Variants in SEMA6D observed in about 807,000 individuals in gnomAD.
SEMA6D encodes the protein semaphorin-6D.
A neutral mutation model predicts 106.6 loss-of-function variants in SEMA6D; 35 were observed. The ratio of observed to expected loss-of-function variants is 0.33; its 90% confidence interval spans 0.25 to 0.44. The LOEUF (loss-of-function observed/expected upper bound fraction) is 0.44, where lower values mean the gene tolerates loss of function less well. Ranked by LOEUF, SEMA6D falls within the 20% of genes least tolerant of loss-of-function variation. SEMA6D has a pLI of 1.00. For synonymous variants in SEMA6D, 499 were observed against 487.7 expected, an observed-to-expected ratio of 1.02 and a Z score of -0.31; for missense variants, 1,185 against 1,345.9, an observed-to-expected ratio of 0.88 and a Z score of 1.87.
At chr15:47,348,152 GA>G (rs1388753731) in intron 1 of SEMA6D, among the ~76,000 whole-genome samples, 2 of 152,138 alleles carry the variant, frequency 1.3e-5, no homozygotes, top group East Asian at 3.9e-4. Flanking sequence ...TCCTTACAGA[GA>G]ATTTGTTAAT....
chr15:47,674,218 G>C (rs562526920), intron 4 of SEMA6D, among the ~76,000 whole-genome samples: 1 of 152,176 alleles, frequency 6.6e-6, no homozygotes, highest in African/African-American at 2.4e-5. Flanking sequence ...AATAAGAACT[G>C]AGTGTCTATT....
intron 13 of SEMA6D, 66 bp downstream of exon 13, chr15:47,765,122 G>C: frequency 6.4e-7 from 1 of 1,572,514 alleles, no homozygotes; most frequent in African/African-American, 1.4e-5. Context: ...ATTTCATCTA[G>C]TCATGTCCTT....
intron 3 of SEMA6D, among the ~76,000 whole-genome samples, chr15:47,551,052 C>G (rs1423894114): frequency 6.6e-6 from 1 of 152,170 alleles, no homozygotes; most frequent in African/African-American, 2.4e-5. Context: ...GCTAGGACAA[C>G]TCAGGATATC....
At chr15:47,598,741 G>A (rs73390961) in intron 3 of SEMA6D, among the ~76,000 whole-genome samples, 1 of 151,980 alleles carries the variant, frequency 6.6e-6, no homozygotes, top group South Asian at 2.1e-4. Flanking sequence ...CTAAGCTTTC[G>A]CCCTTTTTCA....
intron 18 of SEMA6D, among the ~76,000 whole-genome samples, chr15:47,770,044 T>G (rs1029754598): frequency 8.5e-5 from 13 of 152,192 alleles, no homozygotes; most frequent in African/African-American, 3.1e-4. Flanking sequence ...TGTATCAGAG[T>G]AATTATTTTA....
At chr15:47,298,578 G>A (rs912050513) in intron 1 of SEMA6D, among the ~76,000 whole-genome samples, 4 of 152,008 alleles carry the variant, frequency 2.6e-5, no homozygotes, top group African/African-American at 7.3e-5. Context: ...GTTCTTATTC[G>A]CCCAGTGGTA....
chr15:47,725,235 C>A (rs2079667063), intron 1 of SEMA6D, among the ~76,000 whole-genome samples: 1 of 152,142 alleles, frequency 6.6e-6, no homozygotes, highest in South Asian at 2.1e-4. Flanking sequence ...GCATGCTCAT[C>A]ACTGTAAGCT....
chr15:47,227,429 C>CTTTCTTTCTTTCTTTCTTTCTTTCT (rs1555407178), intron 1 of SEMA6D, among the ~76,000 whole-genome samples: 5 of 145,614 alleles, frequency 3.4e-5, no homozygotes, highest in African/African-American at 1.0e-4. Context: ...CTCTTTCTTT[C>CTTTCTTTCTTTCTTTCTTTCTTTCT]TTTCTTTCTT....
At chr15:47,753,554 G>A (rs9989286) in intron 1 of SEMA6D, among the ~76,000 whole-genome samples, 2,942 of 152,326 alleles carry the variant, frequency 0.019, 100 homozygotes, top group African/African-American at 0.067. Flanking sequence ...GTGGGCTGAA[G>A]GTCCTGATGA....
At chr15:47,376,096 G>C (rs2039438601) in intron 1 of SEMA6D, among the ~76,000 whole-genome samples, 1 of 152,204 alleles carries the variant, frequency 6.6e-6, no homozygotes, top group Non-Finnish European at 1.5e-5. Context: ...AAACTTTGAA[G>C]TCGTATTAGT....
intron 3 of SEMA6D, among the ~76,000 whole-genome samples, chr15:47,493,532 C>G (rs929189822): frequency 6.6e-6 from 1 of 152,060 alleles, no homozygotes; most frequent in South Asian, 2.1e-4. Context: ...TCACAGACAC[C>G]CTTGACGGAG....
intron 1 of SEMA6D, among the ~76,000 whole-genome samples, chr15:47,282,491 C>T (rs1250000385): frequency 2.0e-5 from 3 of 152,164 alleles, no homozygotes; most frequent in East Asian, 3.9e-4. Context: ...TTTTTAGGTG[C>T]CTACTATCGT....
intron 1 of SEMA6D, among the ~76,000 whole-genome samples, chr15:47,743,148 C>T (rs1372698694): frequency 1.3e-5 from 2 of 152,206 alleles, no homozygotes; most frequent in Non-Finnish European, 2.9e-5. Context: ...CCTATATGTC[C>T]TTCCCAACAA....
chr15:47,427,625 T>A (rs555258105), intron 2 of SEMA6D, among the ~76,000 whole-genome samples: 45 of 152,172 alleles, frequency 3.0e-4, no homozygotes, highest in African/African-American at 1.1e-3. Flanking sequence ...TTGCTAAATA[T>A]GTGACCTTGG....
At chr15:47,638,680 A>G (rs1196873010) in intron 4 of SEMA6D, among the ~76,000 whole-genome samples, 1 of 152,214 alleles carries the variant, frequency 6.6e-6, no homozygotes, top group Non-Finnish European at 1.5e-5. Flanking sequence ...TGCTAAATAC[A>G]ATCTGCTTTC....
At chr15:47,453,632 A>G (rs1006010504) in intron 2 of SEMA6D, among the ~76,000 whole-genome samples, 4 of 151,950 alleles carry the variant, frequency 2.6e-5, no homozygotes, top group Admixed American at 6.6e-5. Context: ...GTTTGCTTCC[A>G]TGAACTAAAA....
chr15:47,187,712 TCTGA>T (rs1400688512), intron 1 of SEMA6D, among the ~76,000 whole-genome samples: 1 of 152,182 alleles, frequency 6.6e-6, no homozygotes, highest in Non-Finnish European at 1.5e-5. Flanking sequence ...CTATGTTGGG[TCTGA>T]CTCTTTTGTT....
chr15:47,416,928 A>G (rs1242149647), intron 2 of SEMA6D, among the ~76,000 whole-genome samples: 3 of 152,116 alleles, frequency 2.0e-5, no homozygotes, highest in Non-Finnish European at 2.9e-5. Context: ...TCTATCACTC[A>G]GACATTTTTG....
intron 2 of SEMA6D, among the ~76,000 whole-genome samples, chr15:47,465,152 G>C (rs2042621658): frequency 6.6e-6 from 1 of 152,144 alleles, no homozygotes; most frequent in African/African-American, 2.4e-5. Context: ...CTTCTGTCTT[G>C]TACTCACAGT....
Sources: gnomAD v4.1 joint callset for allele counts (sites outside exome capture counted in the v4.1 genomes callset) on GRCh38, gnomAD v4.1.1 for gene constraint, MANE v1.5 for transcripts, NCBI Gene and HGNC (gene_info 2026-07-23, HGNC 2026-07-21) for gene names.